CASP9: variants seen among roughly 807,000 people sequenced by gnomAD.
The protein encoded by CASP9 is caspase-9.
A neutral mutation model predicts 43.5 loss-of-function variants in CASP9; 29 were observed. The observed-to-expected ratio is 0.67, with a 90% CI of 0.50 to 0.91. The LOEUF (loss-of-function observed/expected upper bound fraction) is 0.91, where lower values mean the gene tolerates loss of function less well. CASP9 is among the 40% of genes least tolerant of loss of function. The pLI is 0.00. For synonymous variants in CASP9, 206 were observed against 211.9 expected (o/e 0.97, Z 0.24); for missense variants, 575 against 537.4 (o/e 1.07, Z -0.69).
chr1:15,499,929 G>C (rs1709255867), intron 6 of CASP9, among the ~76,000 whole-genome samples: 1 of 152,146 alleles, frequency 6.6e-6, no homozygotes, highest in Admixed American at 6.5e-5. Context: ...CAAAGGCAGT[G>C]CCAAGCTTGG....
At chr1:15,509,458 TACAAAAAAAAAAAAAAAAAAAG>T (rs1308061999) in intron 2 of CASP9, among the ~76,000 whole-genome samples, 127 of 26,464 alleles carry the variant, frequency 4.8e-3, no homozygotes, top group African/African-American at 0.021. Flanking sequence ...GTACTAAAAA[TACAAAAAAAAAAAAAAAAAAAG>T]AAAAATTAGC....
At chr1:15,504,800 A>G (rs1709457579) in intron 5 of CASP9, 42 bp from the exon 6 acceptor site, 4 of 1,589,632 alleles carry the variant, frequency 2.5e-6, no homozygotes, top group Non-Finnish European at 3.4e-6. Context: ...AAGAAGTTGG[A>G]GTAGGAATCC....
intron 2 of CASP9, 76 bp from the exon 3 acceptor site, chr1:15,507,983 GCCC>G: frequency 6.1e-6 from 9 of 1,484,526 alleles, no homozygotes; most frequent in Non-Finnish European, 8.5e-6. Flanking sequence ...TGTGAGGACA[GCCC>G]CCCAAGAACG....
chr1:15,503,223 C>CA (rs1047479750), intron 6 of CASP9, among the ~76,000 whole-genome samples: 195 of 148,716 alleles, frequency 1.3e-3, no homozygotes, highest in Middle Eastern at 7.0e-3. Flanking sequence ...CCTGTCTCTA[C>CA]AAAAAAAAAA....
chr1:15,509,460 CAA>C (rs563284288), intron 2 of CASP9, among the ~76,000 whole-genome samples: 59,014 of 105,592 alleles, frequency 0.56, 13,831 homozygotes, highest in East Asian at 0.64. Context: ...ACTAAAAATA[CAA>C]AAAAAAAAAA....
chr1:15,499,605 C>T (rs1180684915), intron 6 of CASP9, among the ~76,000 whole-genome samples: 1 of 152,172 alleles, frequency 6.6e-6, no homozygotes. Flanking sequence ...TATGAAGACA[C>T]CTGTGGTTGT....
At chr1:15,500,278 A>G (rs985395719) in intron 6 of CASP9, among the ~76,000 whole-genome samples, 4 of 152,210 alleles carry the variant, frequency 2.6e-5, no homozygotes, top group Non-Finnish European at 4.4e-5. Context: ...CCCTGATGCC[A>G]TCAGGGAGAA....
intron 7 of CASP9, among the ~76,000 whole-genome samples, chr1:15,494,788 G>A (rs1211031841): frequency 4.7e-5 from 7 of 149,008 alleles, no homozygotes; most frequent in Admixed American, 2.7e-4. Flanking sequence ...GTGTGAACCC[G>A]GGATGCAGAG....
At chr1:15,503,138 G>A (rs760069663) in intron 6 of CASP9, among the ~76,000 whole-genome samples, 2 of 152,184 alleles carry the variant, frequency 1.3e-5, no homozygotes, top group African/African-American at 4.8e-5. Flanking sequence ...TGTAATCCCA[G>A]CACTTTGGGA....
intron 1 of CASP9, 21 bp downstream of exon 1, chr1:15,524,048 G>C (rs1461938892): frequency 8.3e-6 from 12 of 1,438,698 alleles, no homozygotes; most frequent in African/African-American, 3.8e-5. Context: ...GCAGCGCGGG[G>C]ACAGGGGGCC....
chr1:15,493,107 G>C (rs1570818951), intron 8 of CASP9, 72 bp from the exon 9 acceptor site: 4 of 1,596,374 alleles, frequency 2.5e-6, no homozygotes, highest in Non-Finnish European at 3.4e-6. Context: ...AAGAGGGGCT[G>C]GGGGGAATGT....
intron 2 of CASP9, among the ~76,000 whole-genome samples, chr1:15,513,576 C>T (rs538211796): frequency 1.3e-5 from 2 of 152,300 alleles, no homozygotes; most frequent in South Asian, 2.1e-4. Flanking sequence ...GCACTACCCA[C>T]AGCCGTGAAT....
chr1:15,512,109 G>A (rs57971278), intron 2 of CASP9, among the ~76,000 whole-genome samples: 41,554 of 152,002 alleles, frequency 0.27, 6,506 homozygotes, highest in African/African-American at 0.42. Context: ...TGGGAGGTGA[G>A]CACAGCCACC....
chr1:15,504,107 A>G (rs1230264193), intron 6 of CASP9, among the ~76,000 whole-genome samples: 3 of 152,154 alleles, frequency 2.0e-5, no homozygotes, highest in African/African-American at 4.8e-5. Context: ...TCGGCCTCCC[A>G]AAGTGTTGGG....
At chr1:15,520,508 T>C (rs1192115669) in intron 1 of CASP9, among the ~76,000 whole-genome samples, 2 of 152,214 alleles carry the variant, frequency 1.3e-5, no homozygotes, top group Non-Finnish European at 2.9e-5. Flanking sequence ...CCGGCGGGTA[T>C]AGGGTCAGGT....
chr1:15,515,571 A>G (rs1709917288), intron 2 of CASP9, among the ~76,000 whole-genome samples: 1 of 152,234 alleles, frequency 6.6e-6, no homozygotes, highest in African/African-American at 2.4e-5. Context: ...TCAGAACAGG[A>G]ACTGCTGCCA....
At chr1:15,493,704 GTCACCACAGGCAGGATGCCTC>G in intron 8 of CASP9, 167 bp downstream of exon 8, 1 of 1,475,948 alleles carries the variant, frequency 6.8e-7, no homozygotes, top group Non-Finnish European at 9.0e-7. Flanking sequence ...AAGGGCAAAC[GTCACCACAGGCAGGATGCCTC>G]TCATAAAGAG....
chr1:15,518,205 G>T lies in CASP9; in HGVS notation c.323C>A (p.Pro108Gln), dbSNP rs200310438. The change falls in exon 2 of 9, where the codon CCA (proline) becomes CAA (glutamine). Residue 108 changes from proline to glutamine, a missense_variant. Coordinates refer to ENST00000333868, the MANE Select transcript of CASP9 (RefSeq NM_001229.5). ...LSKPTLENLT[P>Q]VVLRPEIRKP... ...GCGAATCTCTGGTCTGAGCACCACT[G>T]GGGTAAGGTTTTCTAGGGTTGGCTT... 6.2e-7 allele frequency: 1 copy of T among 1,614,174 alleles called. No individual in the cohort carries two copies. The highest frequency in any genetic ancestry group is 2.2e-5 in the East Asian group (1 of 44,882).
At chr1:15,521,156 CAA>C (rs34870949) in intron 1 of CASP9, among the ~76,000 whole-genome samples, 471 of 81,176 alleles carry the variant, frequency 5.8e-3, no homozygotes, top group Non-Finnish European at 8.9e-3. Context: ...GACTCCGTCT[CAA>C]AAAAAAAAAA....
Sources: allele counts gnomAD v4.1 joint callset (sites outside exome capture counted in the v4.1 genomes callset), GRCh38; gene constraint gnomAD v4.1.1; transcripts MANE v1.5; gene names NCBI Gene and HGNC (gene_info 2026-07-23, HGNC 2026-07-21).